Variants in RPS6KA6 observed in about 807,000 individuals in gnomAD.
RPS6KA6 encodes the protein ribosomal protein S6 kinase alpha-6.
In RPS6KA6, 27 loss-of-function variants were observed where a neutral mutation model predicts 65.4. The ratio of observed to expected loss-of-function variants is 0.41; its 90% CI spans 0.30 to 0.57. The LOEUF (loss-of-function observed/expected upper bound fraction) is 0.57. Ranked by LOEUF, RPS6KA6 falls within the 20% of genes least tolerant of loss-of-function variation. The probability of loss-of-function intolerance (pLI) is 0.24; values close to 1 mark genes in which losing one functional copy is unlikely to be tolerated. For synonymous variants in RPS6KA6, 190 were observed against 184.2 expected (o/e 1.03, Z -0.26); for missense variants, 486 against 555.6 (o/e 0.87, Z 1.26).
intron 18 of RPS6KA6, among the ~76,000 whole-genome samples, chrX:84,099,934 AC>A (rs2034228550): frequency 9.0e-6 from 1 of 110,918 alleles, no homozygotes; most frequent in Non-Finnish European, 1.9e-5. Context: ...ATGAATGTAT[AC>A]CCCCATAAAT....
intron 3 of RPS6KA6, among the ~76,000 whole-genome samples, chrX:84,152,573 T>C (rs2035346558): frequency 9.0e-6 from 1 of 111,432 alleles, no homozygotes; most frequent in Admixed American, 9.6e-5. Context: ...AAAGTTGTGC[T>C]ATATCACCTT....
At chrX:84,176,847 T>C (rs1831350310) in intron 1 of RPS6KA6, among the ~76,000 whole-genome samples, 1 of 111,949 alleles carries the variant, frequency 8.9e-6, no homozygotes, top group African/African-American at 3.2e-5. Context: ...TGGGTTTATA[T>C]GTGGAAAAAA....
intron 18 of RPS6KA6, 102 bp from the exon 19 acceptor site, chrX:84,097,950 T>C (rs1389308510): frequency 3.4e-6 from 2 of 594,577 alleles, no homozygotes; most frequent in Non-Finnish European, 5.3e-6. Context: ...GTTCATAATA[T>C]AAAAACTTCA....
rs1242783396 is a variant in RPS6KA6, at chrX:84,062,553, CTAAG to C, written c.*1720_*1723del. The stretch of plus-strand genomic sequence containing the variant: ...CATAAGACATGATACCTAACTACTT[CTAAG>C]TAATTATTTTTCATGTGGCATAAAT... On this transcript the variant is annotated 3_prime_UTR_variant, in exon 22 of 22. Coordinates refer to ENST00000262752, the MANE Select transcript of RPS6KA6 (RefSeq NM_014496.5). 6 of 111,562 alleles carry C rather than the reference CTAAG, an allele frequency of 5.4e-5. No individual in the cohort carries two copies. Among genetic ancestry groups the C allele is most frequent in the African/African-American group, 1.9e-4 (6 of 30,861 alleles). The allele number at this position is 111,562 out of a possible 1,213,427, so 9.2% of individuals were successfully genotyped here.
At chrX:84,105,107 A>T (rs1218238208) in intron 16 of RPS6KA6, among the ~76,000 whole-genome samples, 2 of 110,503 alleles carry the variant, frequency 1.8e-5, no homozygotes, top group African/African-American at 6.6e-5. Context: ...TTGAATTCCA[A>T]TAGTATACCA....
At chrX:84,082,855 C>G (rs779509203) in intron 20 of RPS6KA6, among the ~76,000 whole-genome samples, 2 of 111,742 alleles carry the variant, frequency 1.8e-5, no homozygotes, top group Admixed American at 9.5e-5. Context: ...GAAAGGATTC[C>G]CTATTTAATA....
At chrX:84,091,755 A>G in intron 20 of RPS6KA6, among the ~76,000 whole-genome samples, 1 of 112,133 alleles carries the variant, frequency 8.9e-6, no homozygotes, top group South Asian at 3.7e-4. Flanking sequence ...TGTTCACTGC[A>G]GCAGTATTCA....
At chrX:84,155,005 G>A (rs2035391861) in intron 3 of RPS6KA6, among the ~76,000 whole-genome samples, 2 of 110,683 alleles carry the variant, frequency 1.8e-5, no homozygotes, top group Admixed American at 1.9e-4. Flanking sequence ...TTCGAGACCA[G>A]CCTGAGCAAC....
rs1349714725 is a variant in RPS6KA6 at position 84,062,117 on chromosome X, A to C, written c.*2160T>G. On this transcript the variant is annotated 3_prime_UTR_variant, in exon 22 of 22. Coordinates refer to ENST00000262752, the MANE Select transcript of RPS6KA6 (RefSeq NM_014496.5). ...TGTCAGTCCTCACTGGGTGATCAGAAATCATGCTGTTCATTGCTTAATTCT... is the reference window on the plus strand; with the variant it reads ...TGTCAGTCCTCACTGGGTGATCAGACATCATGCTGTTCATTGCTTAATTCT... 2 of 111,936 alleles carry C rather than the reference A, an allele frequency of 1.8e-5. No homozygotes were observed. The highest frequency in any genetic ancestry group is 3.2e-5 in the African/African-American group (1 of 30,863). 9.2% of individuals were successfully genotyped at this position (111,936 alleles called of 1,213,427 possible).
At position 84,117,440 on chromosome X, in the gene RPS6KA6, A is replaced by G. The variant is rs1044540475; in HGVS notation, c.804T>C (p.Thr268=). ...CTTTACCTTGAAATGGCAGAGTACCAGTAAGCATTTCAAACTAAAACAAAC... is the reference window on the plus strand; with the variant it reads ...CTTTACCTTGAAATGGCAGAGTACCGGTAAGCATTTCAAACTAAAACAAAC... ...SYGVLMFEML[T]GTLPFQGKDR... Residue 268 remains threonine, a synonymous_variant, in exon 10 of 22, where the codon ACT becomes ACC. Coordinates refer to ENST00000262752, the MANE Select transcript of RPS6KA6 (RefSeq NM_014496.5). The G allele has an allele frequency of 1.7e-6, 2 of 1,157,601 alleles. No individual in the cohort carries two copies. Among genetic ancestry groups the G allele is most frequent in the Non-Finnish European group, 2.3e-6 (2 of 859,142 alleles).
chrX:84,157,622 C>A (rs865996464), intron 2 of RPS6KA6, among the ~76,000 whole-genome samples: 3 of 110,744 alleles, frequency 2.7e-5, no homozygotes, highest in African/African-American at 6.6e-5. Context: ...TCTCACATGA[C>A]AAAGGGGTTT....
At chrX:84,117,024 A>C in intron 11 of RPS6KA6, 36 bp downstream of exon 11, 1 of 862,984 alleles carries the variant, frequency 1.2e-6, no homozygotes, top group Non-Finnish European at 1.7e-6. Flanking sequence ...CAAAACATGC[A>C]GTTACTTCTA....
intron 2 of RPS6KA6, among the ~76,000 whole-genome samples, chrX:84,158,456 T>C (rs2035452380): frequency 9.0e-6 from 1 of 110,903 alleles, no homozygotes; most frequent in Non-Finnish European, 1.9e-5. Context: ...TTTAAATATA[T>C]AAAGGAAATA....
chrX:84,108,821 A>G (rs768769758), intron 12 of RPS6KA6, among the ~76,000 whole-genome samples: 6 of 111,791 alleles, frequency 5.4e-5, no homozygotes, highest in African/African-American at 1.9e-4. Context: ...TGCACACCTC[A>G]AAGACAGATA....
intron 3 of RPS6KA6, 138 bp downstream of exon 3, chrX:84,155,937 T>C (rs748302024): frequency 3.6e-5 from 15 of 419,478 alleles, no homozygotes; most frequent in Non-Finnish European, 6.4e-5. Flanking sequence ...ATGAAAGGAA[T>C]AAAATTAAAG....
intron 8 of RPS6KA6, among the ~76,000 whole-genome samples, chrX:84,121,976 G>A (rs2034678157): frequency 8.9e-6 from 1 of 112,394 alleles, no homozygotes; most frequent in African/African-American, 3.2e-5. Flanking sequence ...AGGAAACGAT[G>A]GAGCAAGATG....
At chrX:84,069,998 G>A (rs1405893401) in intron 20 of RPS6KA6, among the ~76,000 whole-genome samples, 1 of 111,993 alleles carries the variant, frequency 8.9e-6, no homozygotes, top group Non-Finnish European at 1.9e-5. Context: ...GGAAGACAGT[G>A]TGGCAATTCC....
intron 20 of RPS6KA6, among the ~76,000 whole-genome samples, chrX:84,086,450 G>A (rs969020389): frequency 7.2e-5 from 8 of 111,421 alleles, no homozygotes; most frequent in Admixed American, 9.5e-5. Flanking sequence ...TTCAATTTCC[G>A]TGTAGTTGTG....
chrX:84,065,199 C>T (rs369952717), intron 20 of RPS6KA6, 88 bp from the exon 21 acceptor site: 4 of 597,308 alleles, frequency 6.7e-6, no homozygotes, highest in Non-Finnish European at 5.1e-6. Flanking sequence ...GCATCAATAG[C>T]CTTGCAATCT....
Sources: gnomAD v4.1 joint callset for allele counts (sites outside exome capture counted in the v4.1 genomes callset) on GRCh38, gnomAD v4.1.1 for gene constraint, MANE v1.5 for transcripts, NCBI Gene and HGNC (gene_info 2026-07-23, HGNC 2026-07-21) for gene names.